The following AGBL1 variants were observed in gnomAD, a reference collection of about 807,000 sequenced individuals.
The protein encoded by AGBL1 is cytosolic carboxypeptidase 4.
AGBL1 carries 130 observed loss-of-function variants against 118.9 expected under a neutral mutation model. The ratio of observed to expected loss-of-function variants is 1.09; its 90% CI spans 0.95 to 1.26. The LOEUF is 1.26. Ranked by LOEUF, AGBL1 falls within the 50% of genes most tolerant of loss-of-function variation. AGBL1 has a pLI of 0.00. For synonymous variants in AGBL1, 555 were observed against 478.9 expected, an observed-to-expected ratio of 1.16 and a Z score of -2.08; for missense variants, 1,584 against 1,298.1, an observed-to-expected ratio of 1.22 and a Z score of -3.38.
chr15:86,682,391 A>G (rs2085976709), intron 22 of AGBL1, among the ~76,000 whole-genome samples: 1 of 152,208 alleles, frequency 6.6e-6, no homozygotes, highest in African/African-American at 2.4e-5. Flanking sequence ...TATTTTTGGT[A>G]TGATTTTATG....
chr15:86,157,768 C>A (rs571183464), intron 4 of AGBL1, among the ~76,000 whole-genome samples: 1 of 152,278 alleles, frequency 6.6e-6, no homozygotes, highest in Admixed American at 6.5e-5. Context: ...TTGGCTGGAA[C>A]CCTAATGGGT....
chr15:86,104,055 T>C (rs1414681391), intron 1 of AGBL1, among the ~76,000 whole-genome samples: 1 of 152,098 alleles, frequency 6.6e-6, no homozygotes, highest in Non-Finnish European at 1.5e-5. Context: ...TGCAGGTGGG[T>C]GCCCGCTGTG....
At chr15:86,266,237 A>T in intron 11 of AGBL1, 137 bp from the exon 12 acceptor site, 1 of 526,670 alleles carries the variant, frequency 1.9e-6, no homozygotes, top group South Asian at 3.3e-5. Flanking sequence ...TCTGAGCTCA[A>T]AGTTGAGGTG....
rs141895734 is a variant in AGBL1, at chr15:86,490,230, C to G, written c.2556-32580C>G. ...GAAAGTAACATAATTAGGTATGGGT[C>G]CCTCCCCTTGCTCTTTCATCATCCC... On this transcript the variant is annotated intron_variant, in intron 18 of 22. Transcript: ENST00000614907. Among the ~76,000 whole-genome samples the G allele has an allele frequency of 1.3e-4, 20 of 152,158 alleles. No individual in the cohort carries two copies. The East Asian group carries it at 2.9e-3, about 22-fold the overall frequency.
intron 21 of AGBL1, among the ~76,000 whole-genome samples, chr15:86,640,225 C>T (rs2142465315): frequency 6.6e-6 from 1 of 152,112 alleles, no homozygotes; most frequent in East Asian, 1.9e-4. Context: ...CAAATTCCTT[C>T]CAAAGATATA....
At chr15:86,105,984 C>T (rs1897030316) in intron 1 of AGBL1, among the ~76,000 whole-genome samples, 1 of 152,222 alleles carries the variant, frequency 6.6e-6, no homozygotes, top group Non-Finnish European at 1.5e-5. Flanking sequence ...CCAATCACAT[C>T]TGAAAAATCA....
At chr15:86,834,109 CA>C (rs1298562848) in intron 22 of AGBL1, among the ~76,000 whole-genome samples, 1 of 152,112 alleles carries the variant, frequency 6.6e-6, no homozygotes, top group African/African-American at 2.4e-5. Flanking sequence ...TTCTCCTACA[CA>C]ATGGAGACAA....
At chr15:86,647,278 T>C (rs1268974326) in intron 21 of AGBL1, among the ~76,000 whole-genome samples, 1 of 152,202 alleles carries the variant, frequency 6.6e-6, no homozygotes, top group African/African-American at 2.4e-5. Context: ...TAAAATCACC[T>C]GTGTCCTATA....
At chr15:86,294,613 C>A (rs2079603196) in intron 16 of AGBL1, among the ~76,000 whole-genome samples, 2 of 152,002 alleles carry the variant, frequency 1.3e-5, no homozygotes, top group Non-Finnish European at 1.5e-5. Flanking sequence ...TTACTTTGCC[C>A]TGTGATACTA....
intron 22 of AGBL1, among the ~76,000 whole-genome samples, chr15:86,708,727 T>A (rs551604261): frequency 1.3e-5 from 2 of 152,282 alleles, no homozygotes; most frequent in South Asian, 4.1e-4. Flanking sequence ...ATGTAGGAAC[T>A]ACAATTTGAG....
chr15:86,643,767 A>G (rs2085229438), intron 21 of AGBL1, among the ~76,000 whole-genome samples: 1 of 152,154 alleles, frequency 6.6e-6, no homozygotes, highest in African/African-American at 2.4e-5. Context: ...AAGTTATTTA[A>G]TGACAAAGTA....
At chr15:86,867,955 G>A (rs944820787) in intron 22 of AGBL1, among the ~76,000 whole-genome samples, 1 of 152,172 alleles carries the variant, frequency 6.6e-6, no homozygotes, top group Non-Finnish European at 1.5e-5. Flanking sequence ...TCGTTACAGA[G>A]AGGTGAGCCC....
At chr15:86,731,740 G>A (rs1291137554) in intron 22 of AGBL1, among the ~76,000 whole-genome samples, 1 of 152,200 alleles carries the variant, frequency 6.6e-6, no homozygotes, top group African/African-American at 2.4e-5. Flanking sequence ...ACTGACCTAA[G>A]ATAACAGAGT....
At chr15:86,703,453 A>G (rs1056759410) in intron 22 of AGBL1, among the ~76,000 whole-genome samples, 3 of 152,168 alleles carry the variant, frequency 2.0e-5, no homozygotes, top group African/African-American at 7.2e-5. Flanking sequence ...GAATAATAAT[A>G]GTACTTCTTT....
intron 1 of AGBL1, among the ~76,000 whole-genome samples, chr15:86,119,749 G>T (rs1223678285): frequency 6.6e-6 from 1 of 152,064 alleles, no homozygotes; most frequent in Non-Finnish European, 1.5e-5. Context: ...CAGTATGACT[G>T]TGCAGACTGC....
chr15:86,537,074 CA>C (rs1435388215), intron 19 of AGBL1, among the ~76,000 whole-genome samples: 1 of 152,166 alleles, frequency 6.6e-6, no homozygotes, highest in Non-Finnish European at 1.5e-5. Context: ...CCAAGGCAAT[CA>C]ACAGTTCTCA....
chr15:86,566,467 G>T (rs2083916237), intron 21 of AGBL1, among the ~76,000 whole-genome samples: 1 of 152,108 alleles, frequency 6.6e-6, no homozygotes, highest in African/African-American at 2.4e-5. Context: ...ACATTAAGTG[G>T]CAGCTCTCCA....
intron 21 of AGBL1, among the ~76,000 whole-genome samples, chr15:86,664,720 A>G (rs1387994871): frequency 1.3e-5 from 2 of 152,178 alleles, no homozygotes; most frequent in African/African-American, 2.4e-5. Flanking sequence ...GAAACTAGAT[A>G]GGCCTAACCA....
intron 24 of AGBL1, among the ~76,000 whole-genome samples, chr15:87,023,673 A>C (rs562427420): frequency 1.5e-4 from 23 of 152,116 alleles, no homozygotes; most frequent in Non-Finnish European, 2.8e-4. Context: ...CAACAACTGC[A>C]GAATATACAT....
Sources: gnomAD v4.1 joint callset for allele counts (sites outside exome capture counted in the v4.1 genomes callset) on GRCh38, gnomAD v4.1.1 for gene constraint, MANE v1.5 for transcripts, NCBI Gene and HGNC (gene_info 2026-07-23, HGNC 2026-07-21) for gene names.